The following MAGI3 variants were observed in gnomAD, a reference collection of about 807,000 sequenced individuals.
MAGI3 encodes the protein membrane-associated guanylate kinase, WW and PDZ domain-containing protein 3.
A neutral mutation model predicts 121.8 loss-of-function variants in MAGI3; 43 were observed. The observed-to-expected ratio is 0.35, with a 90% CI of 0.28 to 0.46. The LOEUF (loss-of-function observed/expected upper bound fraction) is 0.46. MAGI3 is among the 20% of genes least tolerant of loss of function. The pLI is 1.00. For synonymous variants in MAGI3, 553 were observed against 639.3 expected, an observed-to-expected ratio of 0.86 and a Z score of 2.04; for missense variants, 1,547 against 1,797.3, an observed-to-expected ratio of 0.86 and a Z score of 2.52.
chr1:113,601,186 A>G (rs1387233588), intron 6 of MAGI3, among the ~76,000 whole-genome samples: 1 of 151,714 alleles, frequency 6.6e-6, no homozygotes, highest in Admixed American at 6.6e-5. Context: ...TAAAACACCA[A>G]AAGCAATGAG....
At position 113,658,237 on chromosome 1, in the gene MAGI3, AT is replaced by A. The variant is rs1184750203; in HGVS notation, c.2630-840del. Reference sequence around the variant, plus strand: ...GGTGGAAAATATTTTGTTTGACAAGATTTCCTGAATATCTGAGAACTCATTT... The same window carrying A: ...GGTGGAAAATATTTTGTTTGACAAGATTCCTGAATATCTGAGAACTCATTT... On this transcript the variant is annotated intron_variant, in intron 15 of 20. Coordinates refer to ENST00000307546, the MANE Select transcript of MAGI3 (RefSeq NM_001142782.2). The surrounding 1 kb of genome is among the most constrained non-coding windows in gnomAD (Gnocchi z 4.0). Among the ~76,000 whole-genome samples, 1 of 152,334 alleles carries A rather than the reference AT, an allele frequency of 6.6e-6. No homozygotes were observed. Among genetic ancestry groups the A allele is most frequent in the South Asian group, 2.1e-4 (1 of 4,828 alleles).
At chr1:113,495,097 G>A (rs949838579) in intron 1 of MAGI3, among the ~76,000 whole-genome samples, 9 of 151,862 alleles carry the variant, frequency 5.9e-5, no homozygotes, top group Admixed American at 2.6e-4. Flanking sequence ...CTATGTTGTC[G>A]GCAGCTAGAT....
chr1:113,641,844 C>G, intron 9 of MAGI3, 67 bp from the exon 10 acceptor site: 1 of 1,424,928 alleles, frequency 7.0e-7, no homozygotes, highest in Non-Finnish European at 9.4e-7. Context: ...GTTATTTTTG[C>G]CCCTCTAGCA....
rs1390880272 is a variant in MAGI3 at position 113,641,055 on chromosome 1, T to TAA, written c.1361-856_1361-855insAA. Among the ~76,000 whole-genome samples the TAA allele has an allele frequency of 8.6e-3, 692 of 80,622 alleles. 19 individuals carry two copies. Among genetic ancestry groups the TAA allele is most frequent in the Non-Finnish European group, 0.011 (452 of 42,208 alleles). 52.9% of individuals were successfully genotyped at this position (80,622 alleles called of 152,430 possible). ...TGATATATATAATATATATGATATA[T>TAA]TATATATGATATATATAATATATAT... On this transcript the variant is annotated intron_variant, in intron 9 of 20. Transcript: ENST00000307546.
In MAGI3 at chr1:113,585,383, T is replaced by C. The variant is rs775906989; in HGVS notation, c.554-4T>C. On this transcript the variant is annotated splice_region_variant and splice_polypyrimidine_tract_variant and intron_variant, in intron 3 of 20. Transcript: ENST00000307546. Reference sequence around the variant, plus strand: ...AATTTCAGCTGCTATTTTATTCACTTCAGGAAACTTCTATGGAACTCCCAA... The same window carrying C: ...AATTTCAGCTGCTATTTTATTCACTCCAGGAAACTTCTATGGAACTCCCAA... 6.2e-7 allele frequency: 1 copy of C among 1,613,634 alleles called. No homozygotes were observed. Among genetic ancestry groups the C allele is most frequent in the Non-Finnish European group, 8.5e-7 (1 of 1,179,682 alleles).
intron 15 of MAGI3, 88 bp downstream of exon 15, chr1:113,654,106 G>C: frequency 9.5e-7 from 1 of 1,050,380 alleles, no homozygotes; most frequent in South Asian, 1.7e-5. Context: ...TAGGAGCTAT[G>C]TATAAAATGC....
intron 6 of MAGI3, among the ~76,000 whole-genome samples, chr1:113,598,358 T>C (rs556713497): frequency 6.6e-6 from 1 of 152,274 alleles, no homozygotes; most frequent in South Asian, 2.1e-4. Context: ...GTAAATGGTC[T>C]AAGTGCTCAC....
intron 1 of MAGI3, among the ~76,000 whole-genome samples, chr1:113,396,555 C>T (rs923160879): frequency 6.6e-6 from 1 of 151,630 alleles, no homozygotes; most frequent in African/African-American, 2.4e-5. Context: ...CATTGCTCTT[C>T]TAGCTAATTT....
chr1:113,677,765 T>G (rs540745208), intron 19 of MAGI3, among the ~76,000 whole-genome samples: 2 of 152,344 alleles, frequency 1.3e-5, no homozygotes, highest in Non-Finnish European at 2.9e-5. Flanking sequence ...TTCCTCTCTC[T>G]TCTCTGTCCC....
At chr1:113,475,628 G>T in intron 1 of MAGI3, among the ~76,000 whole-genome samples, 1 of 152,156 alleles carries the variant, frequency 6.6e-6, no homozygotes, top group East Asian at 1.9e-4. Context: ...GCTGGGTTCA[G>T]TTTGTCAGTA....
intron 17 of MAGI3, 66 bp downstream of exon 17, chr1:113,671,902 A>G: frequency 7.3e-7 from 1 of 1,377,342 alleles, no homozygotes. Context: ...TCTGCTGTTC[A>G]TAACCCCACT....
In MAGI3 at chr1:113,450,039, G is replaced by T. The variant is rs540173127; in HGVS notation, c.316+58690G>T. On this transcript the variant is annotated intron_variant, in intron 1 of 20. Coordinates refer to ENST00000307546, the MANE Select transcript of MAGI3 (RefSeq NM_001142782.2). Reference sequence around the variant, plus strand: ...AATTTTTGTTGGTGGTATTAAAGAAGATACAGAAGAATATAATTTGAGAGA... The same window carrying T: ...AATTTTTGTTGGTGGTATTAAAGAATATACAGAAGAATATAATTTGAGAGA... The T allele has an allele frequency of 8.1e-5, 126 of 1,558,210 alleles. No homozygotes were observed. In the African/African-American group the frequency reaches 1.5e-3, roughly 18 times the overall value.
At chr1:113,484,491 C>T (rs974909956) in intron 1 of MAGI3, among the ~76,000 whole-genome samples, 7 of 152,102 alleles carry the variant, frequency 4.6e-5, no homozygotes, top group African/African-American at 1.7e-4. Flanking sequence ...TGAGTGAGAA[C>T]ATACGATGTT....
intron 1 of MAGI3, among the ~76,000 whole-genome samples, chr1:113,477,897 C>A (rs1477227665): frequency 6.6e-6 from 1 of 152,186 alleles, no homozygotes; most frequent in Non-Finnish European, 1.5e-5. Context: ...TTCACATAGT[C>A]CCATATTTCT....
chr1:113,635,461 T>C (rs892880844), intron 9 of MAGI3, among the ~76,000 whole-genome samples: 2 of 152,216 alleles, frequency 1.3e-5, no homozygotes, highest in East Asian at 3.8e-4. Flanking sequence ...GTCAAAGGCC[T>C]TTTCTGCATC....
At chr1:113,444,618 G>A (rs537627889) in intron 1 of MAGI3, among the ~76,000 whole-genome samples, 2 of 152,154 alleles carry the variant, frequency 1.3e-5, no homozygotes, top group Non-Finnish European at 2.9e-5. Context: ...ACAAAACCCA[G>A]CAAACCCTGA....
chr1:113,603,230 A>T (rs532470398), intron 6 of MAGI3, among the ~76,000 whole-genome samples: 4 of 152,314 alleles, frequency 2.6e-5, no homozygotes, highest in South Asian at 4.1e-4. Context: ...CACACAAAGT[A>T]GAAAATCTAG....
intron 2 of MAGI3, among the ~76,000 whole-genome samples, chr1:113,555,612 C>A (rs981067191): frequency 6.6e-6 from 1 of 151,998 alleles, no homozygotes; most frequent in Non-Finnish European, 1.5e-5. Flanking sequence ...AGACTTAAAT[C>A]ATATGAAACA....
chr1:113,431,937 G>T (rs12034178), intron 1 of MAGI3, among the ~76,000 whole-genome samples: 23,145 of 152,090 alleles, frequency 0.15, 2,796 homozygotes, highest in East Asian at 0.63. Flanking sequence ...TCTACACTAT[G>T]TAGTATTATA....
Sources: gnomAD v4.1 joint callset for allele counts (sites outside exome capture counted in the v4.1 genomes callset) on GRCh38, gnomAD v4.1.1 for gene constraint, Gnocchi (gnomAD v3.1) non-coding constraint, MANE v1.5 for transcripts, NCBI Gene and HGNC (gene_info 2026-07-23, HGNC 2026-07-21) for gene names.